The following CFAP97 variants were observed in gnomAD, a reference collection of about 807,000 sequenced individuals.
The protein encoded by CFAP97 is cilia- and flagella-associated protein 97.
Under a neutral mutation model 43.1 loss-of-function variants are expected in CFAP97, and 36 were observed. The ratio of observed to expected loss-of-function variants is 0.84; its 90% CI spans 0.64 to 1.10. The LOEUF is 1.10. Ranked by LOEUF, CFAP97 falls within the 50% of genes least tolerant of loss-of-function variation. The probability of loss-of-function intolerance (pLI) is 0.00; values close to 1 mark genes in which losing one functional copy is unlikely to be tolerated. For missense variants in CFAP97, 657 were observed against 620.3 expected (o/e 1.06, Z -0.63); for synonymous variants, 228 against 225.7 (o/e 1.01, Z -0.09).
chr4:185,196,864 C>A (rs1306417974), intron 1 of CFAP97, among the ~76,000 whole-genome samples: 1 of 152,130 alleles, frequency 6.6e-6, no homozygotes, highest in East Asian at 1.9e-4. Flanking sequence ...TTTTGGGAAG[C>A]TGAGGTGAAT....
upstream of CFAP97, among the ~76,000 whole-genome samples, chr4:185,207,375 C>T (rs1737234232): frequency 6.6e-6 from 1 of 151,950 alleles, no homozygotes; most frequent in African/African-American, 2.4e-5. Flanking sequence ...CACCACCACA[C>T]CTGGTTAATT....
At chr4:185,173,913 A>G (rs1425103382) in intron 3 of CFAP97, among the ~76,000 whole-genome samples, 1 of 152,220 alleles carries the variant, frequency 6.6e-6, no homozygotes, top group Non-Finnish European at 1.5e-5. Flanking sequence ...ACTACAACTT[A>G]ATAATATACC....
rs1010727378 is a variant in CFAP97, at chr4:185,190,362, C to T, written c.835G>A (p.Val279Met). Reference sequence around the variant, plus strand: ...ACATTTTCTTGCTTTTTAATTTTCACTTTTTGATCATTTGCTATGCCCAGT... The same window carrying T: ...ACATTTTCTTGCTTTTTAATTTTCATTTTTTGATCATTTGCTATGCCCAGT... ...FELGIANDQK[V>M]KIKKQENVSQ... Residue 279 changes from valine to methionine, a missense_variant, in exon 2 of 5, where the codon GTG becomes ATG. Val to Met is a conservative substitution (Grantham distance 21, BLOSUM62 1). Coordinates refer to ENST00000458385, the MANE Select transcript of CFAP97 (RefSeq NM_020827.3). The T allele has an allele frequency of 8.1e-6, 13 of 1,607,046 alleles. No individual in the cohort carries two copies. Among genetic ancestry groups the T allele is most frequent in the Non-Finnish European group, 1.0e-5 (12 of 1,176,050 alleles).
At position 185,190,511 on chromosome 4, in the gene CFAP97, G is replaced by A. The variant is rs1350019837; in HGVS notation, c.686C>T (p.Ser229Leu). 9 of 1,613,738 alleles carry A rather than the reference G, an allele frequency of 5.6e-6. No homozygotes were observed. The highest frequency in any genetic ancestry group is 3.3e-5 in the South Asian group (3 of 91,064). ...AGTACTTGAAGGCTGTGTTTCTGTC[G>A]ATTTTATTCCTGATTTATACTTGTG... The part of the protein sequence containing the change: ...PKHKYKSGIK[S>L]TETQPSSTTP... Residue 229 changes from serine (S) to leucine (L), a missense_variant, in exon 2 of 5, where the codon TCG becomes TTG. Coordinates refer to ENST00000458385, the MANE Select transcript of CFAP97 (RefSeq NM_020827.3).
chr4:185,182,363 C>T (rs528361610), intron 2 of CFAP97: 13 of 152,142 alleles, frequency 8.5e-5, no homozygotes, highest in African/African-American at 3.1e-4. Flanking sequence ...ATAGCAAAGG[C>T]AGCTTTGCAT....
intron 1 of CFAP97, among the ~76,000 whole-genome samples, chr4:185,191,704 C>A (rs1736265694): frequency 6.6e-6 from 1 of 152,126 alleles, no homozygotes; most frequent in African/African-American, 2.4e-5. Context: ...ATGGCACGTG[C>A]CTGTAGTCCC....
At chr4:185,177,803 C>G (rs1045473960) in intron 2 of CFAP97, among the ~76,000 whole-genome samples, 2 of 152,060 alleles carry the variant, frequency 1.3e-5, no homozygotes, top group African/African-American at 4.8e-5. Context: ...CCAGTGCACT[C>G]CAGCCTGGGC....
At chr4:185,196,902 C>T (rs370169297) in intron 1 of CFAP97, among the ~76,000 whole-genome samples, 428 of 152,018 alleles carry the variant, frequency 2.8e-3, no homozygotes, top group African/African-American at 0.01. Context: ...GAGTTCAAAA[C>T]CAGCCTGGCC....
intron 3 of CFAP97, chr4:185,169,216 AC>A (rs755137806): frequency 1.3e-5 from 2 of 152,174 alleles, no homozygotes; most frequent in African/African-American, 2.4e-5. Flanking sequence ...ATACGGTCTG[AC>A]TCTGTGTCCC....
chr4:185,179,207 A>G (rs1374276106), intron 2 of CFAP97, among the ~76,000 whole-genome samples: 1 of 152,140 alleles, frequency 6.6e-6, no homozygotes, highest in African/African-American at 2.4e-5. Flanking sequence ...CCTGGATCTC[A>G]AGTTAGGGGC....
chr4:185,192,735 T>TC lies in CFAP97; in HGVS notation c.-16-1524_-16-1523insG, dbSNP rs1560872235. On this transcript the variant is annotated intron_variant, in intron 1 of 4. Transcript: ENST00000458385. ...TTCTTAAGATCAGAATTGACCTTCT[T>TC]TTTTTTTTTTTTTTTTTTTTTTTGA... Among the ~76,000 whole-genome samples the TC allele has an allele frequency of 1.5e-4, 10 of 66,882 alleles. No individual in the cohort carries two copies. The East Asian group carries it at 2.2e-3, about 15-fold the overall frequency. 43.9% of individuals were successfully genotyped at this position (66,882 alleles called of 152,430 possible). A position where few individuals can be genotyped will look rare whatever the true frequency, so the allele number is the denominator to read the frequency against.
intron 3 of CFAP97, among the ~76,000 whole-genome samples, chr4:185,175,366 A>C (rs1735473465): frequency 6.6e-6 from 1 of 151,982 alleles, no homozygotes; most frequent in African/African-American, 2.4e-5. Context: ...TCCCGGGTTC[A>C]GATGCTCCTC....
At chr4:185,198,018 C>G (rs900076299) in intron 1 of CFAP97, among the ~76,000 whole-genome samples, 1 of 152,160 alleles carries the variant, frequency 6.6e-6, no homozygotes, top group African/African-American at 2.4e-5. Flanking sequence ...AGCCAGCCAC[C>G]ACATTCCCCT....
rs1734897560 is a variant in CFAP97 at position 185,162,256 on chromosome 4, GTC to G, written c.*540_*541del. The G allele has an allele frequency of 6.5e-6, 1 of 152,832 alleles. No homozygotes were observed. The highest frequency in any genetic ancestry group is 2.4e-5 in the African/African-American group (1 of 41,412). The allele number at this position is 152,832 out of a possible 1,614,324, so 9.5% of individuals were successfully genotyped here. ...TTACAAGAATTGCTCCAATAGAAGC[GTC>G]TCTCAATCTGCTCATCAAATCTAGA... On this transcript the variant is annotated 3_prime_UTR_variant, in exon 5 of 5. Transcript: ENST00000458385.
intron 2 of CFAP97, among the ~76,000 whole-genome samples, chr4:185,186,143 TA>T (rs901312822): frequency 6.6e-6 from 1 of 152,124 alleles, no homozygotes; most frequent in Non-Finnish European, 1.5e-5. Context: ...AAGAAACTAT[TA>T]CTTGTGGGCC....
chr4:185,175,528 G>A (rs984777395), intron 3 of CFAP97, among the ~76,000 whole-genome samples: 3 of 152,002 alleles, frequency 2.0e-5, no homozygotes, highest in Admixed American at 6.6e-5. Flanking sequence ...TGCCCACCTC[G>A]GCCTCCCAGA....
At chr4:185,185,739 A>T (rs1735981802) in intron 2 of CFAP97, among the ~76,000 whole-genome samples, 1 of 149,584 alleles carries the variant, frequency 6.7e-6, no homozygotes, top group Non-Finnish European at 1.5e-5. Flanking sequence ...CTGGCTCAAG[A>T]GATCCTCCTA....
intron 1 of CFAP97, among the ~76,000 whole-genome samples, chr4:185,201,711 T>C (rs1736838829): frequency 6.6e-6 from 1 of 152,224 alleles, no homozygotes; most frequent in Non-Finnish European, 1.5e-5. Context: ...AAAATTCATG[T>C]GACTCGCTTT....
chr4:185,169,759 G>C lies in CFAP97; in HGVS notation c.1321-5580C>G, dbSNP rs372394360. ...AAAGACCTTGTAAGGACACTAAAAA[G>C]TAACAACTGTCCCCCACACAGGCAG... On this transcript the variant is annotated intron_variant, in intron 3 of 4. Coordinates refer to ENST00000458385, the MANE Select transcript of CFAP97 (RefSeq NM_020827.3). 1.9e-5 allele frequency: 19 copies of C among 985,326 alleles called. No homozygotes were observed. The African/African-American group carries it at 3.0e-4, about 15-fold the overall frequency. The allele number at this position is 985,326 out of a possible 1,614,324, so 61.0% of individuals were successfully genotyped here.
Sources: gnomAD v4.1 joint callset for allele counts (sites outside exome capture counted in the v4.1 genomes callset) on GRCh38, gnomAD v4.1.1 for gene constraint, MANE v1.5 for transcripts, NCBI Gene and HGNC (gene_info 2026-07-23, HGNC 2026-07-21) for gene names.